FGF12: variants seen among roughly 807,000 people sequenced by gnomAD.
The protein encoded by FGF12 is fibroblast growth factor 12, also known as fibroblast growth factor 12B.
In FGF12, 14 loss-of-function variants were observed where a neutral mutation model predicts 23.6. The observed-to-expected ratio is 0.59, with a 90% CI of 0.39 to 0.93. FGF12 has a LOEUF of 0.93. Ranked by LOEUF, FGF12 falls within the 40% of genes least tolerant of loss-of-function variation. The probability of loss-of-function intolerance (pLI) is 0.00; values close to 1 mark genes in which losing one functional copy is unlikely to be tolerated. For synonymous variants in FGF12, 62 were observed against 77.3 expected (o/e 0.80, Z 1.04); for missense variants, 175 against 217.8 (o/e 0.80, Z 1.24).
intron 4 of FGF12, among the ~76,000 whole-genome samples, chr3:192,280,984 A>C (rs1468610330): frequency 6.6e-6 from 1 of 152,130 alleles, no homozygotes; most frequent in East Asian, 1.9e-4. Flanking sequence ...GCTGTTCTCC[A>C]CTTACTCACT....
chr3:192,640,756 AGCC>A (rs1328769106), intron 2 of FGF12, among the ~76,000 whole-genome samples: 1 of 152,154 alleles, frequency 6.6e-6, no homozygotes, highest in Non-Finnish European at 1.5e-5. Flanking sequence ...TTTGGACTGT[AGCC>A]CATTTTTGTA....
At chr3:192,462,251 T>C (rs2108808238) in intron 2 of FGF12, among the ~76,000 whole-genome samples, 1 of 152,330 alleles carries the variant, frequency 6.6e-6, no homozygotes, top group East Asian at 1.9e-4. Context: ...AAAACTCATG[T>C]TGAAACTTAA....
intron 5 of FGF12, among the ~76,000 whole-genome samples, chr3:192,146,050 A>G (rs1713681895): frequency 6.6e-6 from 1 of 152,234 alleles, no homozygotes; most frequent in South Asian, 2.1e-4. Context: ...TAGCTGGAAC[A>G]CTATTCATAT....
intron 4 of FGF12, among the ~76,000 whole-genome samples, chr3:192,315,261 C>T (rs768227341): frequency 3.9e-5 from 6 of 151,942 alleles, no homozygotes; most frequent in South Asian, 2.1e-4. Context: ...TTTGTTTCGT[C>T]GTTGTTGTTG....
intron 2 of FGF12, among the ~76,000 whole-genome samples, chr3:192,503,763 G>T (rs1479027293): frequency 2.0e-5 from 3 of 151,750 alleles, no homozygotes; most frequent in African/African-American, 7.3e-5. Flanking sequence ...CCGCCACCAC[G>T]CCCGGCTAAA....
intron 4 of FGF12, among the ~76,000 whole-genome samples, chr3:192,209,469 G>T (rs1369259875): frequency 1.3e-5 from 2 of 152,170 alleles, no homozygotes; most frequent in East Asian, 1.9e-4. Context: ...CTTTTAGTTT[G>T]TTTAAAGTGA....
intron 4 of FGF12, among the ~76,000 whole-genome samples, chr3:192,285,968 G>A (rs2108644619): frequency 6.6e-6 from 1 of 152,112 alleles, no homozygotes; most frequent in South Asian, 2.1e-4. Flanking sequence ...TGCAGTTTAG[G>A]AGAGATGGAT....
intron 2 of FGF12, among the ~76,000 whole-genome samples, chr3:192,696,945 A>G (rs1718144343): frequency 6.6e-6 from 1 of 152,082 alleles, no homozygotes; most frequent in Non-Finnish European, 1.5e-5. Flanking sequence ...ATGATTAGCA[A>G]TAATAAAAAC....
intron 2 of FGF12, among the ~76,000 whole-genome samples, chr3:192,485,662 C>A (rs1269633273): frequency 2.6e-5 from 4 of 151,982 alleles, no homozygotes; most frequent in Non-Finnish European, 4.4e-5. Context: ...GGATTTCTAG[C>A]AGGCAAACAT....
intron 4 of FGF12, among the ~76,000 whole-genome samples, chr3:192,210,046 T>C (rs1717849102): frequency 6.6e-6 from 1 of 152,194 alleles, no homozygotes; most frequent in African/African-American, 2.4e-5. Flanking sequence ...AACTTCCCAC[T>C]TTAAACAACC....
At chr3:192,640,443 A>G (rs1715749675) in intron 2 of FGF12, among the ~76,000 whole-genome samples, 1 of 152,232 alleles carries the variant, frequency 6.6e-6, no homozygotes, top group Admixed American at 6.5e-5. Flanking sequence ...AATTTTATAT[A>G]TCACATATAA....
intron 2 of FGF12, among the ~76,000 whole-genome samples, chr3:192,690,032 G>A (rs1717892466): frequency 6.6e-6 from 1 of 151,958 alleles, no homozygotes; most frequent in Non-Finnish European, 1.5e-5. Context: ...AAAACTGCCA[G>A]CCAAAAATAC....
At chr3:192,299,945 A>C (rs1449132695) in intron 4 of FGF12, among the ~76,000 whole-genome samples, 1 of 152,222 alleles carries the variant, frequency 6.6e-6, no homozygotes, top group African/African-American at 2.4e-5. Context: ...TTCAGTACTG[A>C]AATTACAAAG....
chr3:192,674,982 C>A (rs1165986923), intron 2 of FGF12, among the ~76,000 whole-genome samples: 1 of 152,156 alleles, frequency 6.6e-6, no homozygotes, highest in Non-Finnish European at 1.5e-5. Flanking sequence ...TTCTTTTTAC[C>A]ATCATCTATC....
intron 2 of FGF12, among the ~76,000 whole-genome samples, chr3:192,376,758 A>G (rs908903335): frequency 1.4e-4 from 21 of 152,206 alleles, no homozygotes; most frequent in African/African-American, 4.6e-4. Flanking sequence ...AACTTTTAAA[A>G]CATTATTTTT....
intron 2 of FGF12, among the ~76,000 whole-genome samples, chr3:192,432,153 G>T (rs1023269527): frequency 6.6e-6 from 1 of 152,020 alleles, no homozygotes. Context: ...TATGTCCCAG[G>T]AGCTGTCCTA....
intron 2 of FGF12, among the ~76,000 whole-genome samples, chr3:192,594,414 G>GA (rs146535709): frequency 2.6e-5 from 4 of 151,618 alleles, no homozygotes; most frequent in Admixed American, 1.3e-4. Flanking sequence ...TGCTTGTTAA[G>GA]AAAAAATCAC....
At position 192,538,195 on chromosome 3, in the gene FGF12, G is replaced by A. The variant is rs964337259; in HGVS notation, c.14-177657C>T. 4.6e-5 allele frequency among the ~76,000 whole-genome samples: 7 copies of A among 151,936 alleles called. No individual in the cohort carries two copies. The East Asian group carries it at 5.8e-4, about 13-fold the overall frequency. On this transcript the variant is annotated intron_variant, in intron 2 of 5. Coordinates refer to ENST00000445105, the MANE Select transcript of FGF12 (RefSeq NM_004113.6). ...ACTCCTGACCTCAGGTGATCCGCCC[G>A]CCTCGGCCTCCCAAAGCGCTGGGAT...
At chr3:192,304,771 C>T (rs1715529823) in intron 4 of FGF12, among the ~76,000 whole-genome samples, 1 of 152,104 alleles carries the variant, frequency 6.6e-6, no homozygotes, top group Admixed American at 6.6e-5. Flanking sequence ...TTTAAAATAT[C>T]CTCTCTGCTT....
Sources: allele counts gnomAD v4.1 joint callset (sites outside exome capture counted in the v4.1 genomes callset), GRCh38; gene constraint gnomAD v4.1.1; transcripts MANE v1.5; gene names NCBI Gene and HGNC (gene_info 2026-07-23, HGNC 2026-07-21).